Variants in USP13 observed in about 807,000 individuals in gnomAD.
USP13 encodes ubiquitin carboxyl-terminal hydrolase 13.
A neutral mutation model predicts 107.8 loss-of-function variants in USP13; 68 were observed. The observed-to-expected ratio is 0.63, with a 90% CI of 0.52 to 0.77. USP13 has a LOEUF of 0.77. Ranked by LOEUF, USP13 falls within the 30% of genes least tolerant of loss-of-function variation. USP13 has a pLI of 0.00. For synonymous variants in USP13, 377 were observed against 389.5 expected (o/e 0.97, Z 0.38); for missense variants, 945 against 1,093.3 (o/e 0.86, Z 1.91).
intron 2 of USP13, among the ~76,000 whole-genome samples, chr3:179,684,126 A>T (rs936055254): frequency 1.3e-5 from 2 of 151,752 alleles, no homozygotes; most frequent in African/African-American, 4.8e-5. Context: ...ATGCCCGGCT[A>T]ACTTTTGTAT....
intron 8 of USP13, among the ~76,000 whole-genome samples, chr3:179,729,211 A>T (rs974608337): frequency 3.9e-5 from 6 of 152,128 alleles, no homozygotes; most frequent in African/African-American, 1.4e-4. Flanking sequence ...GGGATGGAAA[A>T]TCACAAAGAA....
chr3:179,767,990 C>T (rs1317407776), intron 19 of USP13, among the ~76,000 whole-genome samples: 2 of 152,158 alleles, frequency 1.3e-5, no homozygotes, highest in African/African-American at 4.8e-5. Context: ...AGATGTCGTT[C>T]TCCCAATTTC....
intron 19 of USP13, among the ~76,000 whole-genome samples, chr3:179,773,421 CTAAA>C (rs1715400943): frequency 1.3e-5 from 2 of 152,154 alleles, no homozygotes; most frequent in South Asian, 4.1e-4. Context: ...TGTAGACTAA[CTAAA>C]TAATGCGTCA....
At chr3:179,733,906 G>T (rs1361862705) in intron 10 of USP13, among the ~76,000 whole-genome samples, 2 of 152,190 alleles carry the variant, frequency 1.3e-5, no homozygotes, top group African/African-American at 4.8e-5. Flanking sequence ...AGGCAGTTTG[G>T]CTCTGGAGTC....
At chr3:179,658,449 C>G (rs1720354752) in intron 1 of USP13, among the ~76,000 whole-genome samples, 1 of 152,192 alleles carries the variant, frequency 6.6e-6, no homozygotes, top group African/African-American at 2.4e-5. Context: ...CCCCTCCCCA[C>G]CTGCATTGTA....
chr3:179,653,527 A>AGTTC lies in USP13; in HGVS notation c.168+136_168+139dup. On this transcript the variant is annotated intron_variant, in intron 1 of 20. Transcript: ENST00000263966. The surrounding 1 kb of genome is among the most constrained non-coding windows in gnomAD (Gnocchi z 4.0). The stretch of plus-strand genomic sequence containing the variant: ...GGCAGAGTTGGCTCAGGAACACTGC[A>AGTTC]GTTCGGCAGACACTTAGTGAGCGCC... 1 of 1,261,938 alleles carries AGTTC rather than the reference A, an allele frequency of 7.9e-7. No homozygotes were observed. The highest frequency in any genetic ancestry group is 1.5e-5 in the African/African-American group (1 of 65,460). 78.2% of individuals were successfully genotyped at this position (1,261,938 alleles called of 1,614,324 possible).
chr3:179,690,115 C>T, intron 2 of USP13, 126 bp from the exon 3 acceptor site: 1 of 843,426 alleles, frequency 1.2e-6, no homozygotes, highest in South Asian at 2.0e-5. Context: ...CCTGGAATTG[C>T]TAATCTAGAT....
rs1264643186 is a variant in USP13, at chr3:179,765,661, A to G, written c.2260-34A>G. 20 of 1,610,148 alleles carry G rather than the reference A, an allele frequency of 1.2e-5. No homozygotes were observed. The Admixed American group carries it at 3.3e-4, about 27-fold the overall frequency. On this transcript the variant is annotated intron_variant, in intron 18 of 20. Transcript: ENST00000263966. ...CATAGTGAGGCCTGAGGCTGCATGC[A>G]TTGTAAAAACATCTGTTTCTTTTTT...
rs1413345137 is a variant in USP13, at chr3:179,708,890, G to T, written c.738G>T (p.Leu246=). The change falls in exon 6 of 21, where the codon CTG becomes CTT. Residue 246 remains leucine, a synonymous_variant. Transcript: ENST00000263966. ...GCTCTGGGGGCAACGGGCATGCGCT[G>T]GAGCATTACAGAGACATGGGCTACC... The part of the protein sequence containing the change: ...FDSSGGNGHA[L]EHYRDMGYPL... 1.2e-6 allele frequency: 2 copies of T among 1,613,988 alleles called. No individual in the cohort carries two copies. The highest frequency in any genetic ancestry group is 2.2e-5 in the East Asian group (1 of 44,884).
chr3:179,654,207 C>T (rs1464757644), intron 1 of USP13, among the ~76,000 whole-genome samples: 3 of 89,216 alleles, frequency 3.4e-5, no homozygotes, highest in Admixed American at 1.2e-4. Context: ...GAGCGAGACT[C>T]CGTCTCAAAA....
intron 4 of USP13, among the ~76,000 whole-genome samples, chr3:179,705,294 T>C (rs1278282792): frequency 6.8e-6 from 1 of 147,560 alleles, no homozygotes; most frequent in Admixed American, 6.7e-5. Context: ...ACAAATTTTG[T>C]TATTTATTTA....
intron 6 of USP13, among the ~76,000 whole-genome samples, chr3:179,711,461 C>A (rs2108485761): frequency 6.6e-6 from 1 of 152,326 alleles, no homozygotes; most frequent in African/African-American, 2.4e-5. Flanking sequence ...GATCCACCCA[C>A]CTCGGCCTCT....
chr3:179,744,505 C>A (rs982378412), intron 12 of USP13, among the ~76,000 whole-genome samples: 14 of 152,134 alleles, frequency 9.2e-5, no homozygotes, highest in African/African-American at 3.4e-4. Context: ...CTGGCCTTAT[C>A]TGTTGGGTTG....
At chr3:179,663,056 C>G (rs1338360838) in intron 1 of USP13, among the ~76,000 whole-genome samples, 1 of 152,234 alleles carries the variant, frequency 6.6e-6, no homozygotes, top group Non-Finnish European at 1.5e-5. Context: ...TACATTCACA[C>G]TGTTTTGCAG....
chr3:179,767,076 C>T (rs1026670020), intron 19 of USP13, among the ~76,000 whole-genome samples: 3 of 152,192 alleles, frequency 2.0e-5, no homozygotes, highest in Non-Finnish European at 2.9e-5. Flanking sequence ...CCCATCACTG[C>T]ACACTAAAAT....
chr3:179,690,183 C>T lies in USP13; in HGVS notation c.295-58C>T, dbSNP rs925859696. On this transcript the variant is annotated intron_variant, in intron 2 of 20. Coordinates refer to ENST00000263966, the MANE Select transcript of USP13 (RefSeq NM_003940.3). ...AGGAACCTCTGAGATGTGCTTTTCC[C>T]TCACAAAGATGTTTATTTTATAGGC... The T allele has an allele frequency of 1.3e-5, 20 of 1,530,504 alleles. No individual in the cohort carries two copies. In the African/African-American group the frequency reaches 1.8e-4, roughly 14 times the overall value. 94.8% of individuals were successfully genotyped at this position (1,530,504 alleles called of 1,614,324 possible).
chr3:179,771,877 T>G (rs1202560904), intron 19 of USP13, among the ~76,000 whole-genome samples: 1 of 152,244 alleles, frequency 6.6e-6, no homozygotes, highest in Non-Finnish European at 1.5e-5. Flanking sequence ...TGGCGTCTAA[T>G]TTGTTTAAAA....
In USP13 at chr3:179,653,299, G is replaced by T; in HGVS notation, c.74G>T (p.Gly25Val). Residue 25 changes from glycine (G) to valine (V), a missense_variant, in exon 1 of 21, where the codon GGC becomes GTC. By Grantham distance (109) the Gly-to-Val change is moderately radical. Coordinates refer to ENST00000263966, the MANE Select transcript of USP13 (RefSeq NM_003940.3). This position sits in a 1 kb window ranked among gnomAD's most constrained non-coding sequence, Gnocchi z 4.0. ...AGGAAGATGGCTGCAGGAGACATCG[G>T]CGAGCTGCTAGTGCCCCACATGCCC... ...GGRKMAAGDI[G>V]ELLVPHMPTI... 1 of 1,574,870 alleles carries T rather than the reference G, an allele frequency of 6.3e-7. No homozygotes were observed. Among genetic ancestry groups the T allele is most frequent in the Non-Finnish European group, 8.6e-7 (1 of 1,160,934 alleles).
Position 179,781,802 on chromosome 3 carries a change from G to C in USP13, c.2477G>C (p.Cys826Ser). ...TCCACAATGAGTGGTCATTACATTT[G>C]CCATATCAAAAAGGAAGGAAGGTGA... is the stretch of plus-strand genomic sequence containing the variant. ...GTSTMSGHYICHIKKEGRWVI... is the reference protein window; with the variant it reads ...GTSTMSGHYISHIKKEGRWVI... Residue 826 changes from cysteine to serine, a missense_variant, in exon 20 of 21, where the codon TGC (cysteine) becomes TCC (serine). By Grantham distance (112) the Cys-to-Ser change is moderately radical. Coordinates refer to ENST00000263966, the MANE Select transcript of USP13 (RefSeq NM_003940.3). The C allele has an allele frequency of 6.2e-7, 1 of 1,613,892 alleles. No individual in the cohort carries two copies. The highest frequency in any genetic ancestry group is 8.5e-7 in the Non-Finnish European group (1 of 1,179,912).
Sources: gnomAD v4.1 joint callset for allele counts (sites outside exome capture counted in the v4.1 genomes callset) on GRCh38, gnomAD v4.1.1 for gene constraint, Gnocchi (gnomAD v3.1) non-coding constraint, MANE v1.5 for transcripts, NCBI Gene and HGNC (gene_info 2026-07-23, HGNC 2026-07-21) for gene names.